The following CELF2 variants were observed in gnomAD, a reference collection of about 807,000 sequenced individuals.
The protein encoded by CELF2 is CUGBP Elav-like family member 2.
In CELF2, 8 loss-of-function variants were observed where a neutral mutation model predicts 62.6. The observed-to-expected ratio is 0.13, with a 90% CI of 0.07 to 0.23. The LOEUF is 0.23. CELF2 is among the 10% of genes least tolerant of loss of function. The probability of loss-of-function intolerance (pLI) is 1.00; values close to 1 mark genes in which losing one functional copy is unlikely to be tolerated. For missense variants in CELF2, 333 were observed against 671.0 expected (o/e 0.50, Z 5.56); for synonymous variants, 258 against 250.0 (o/e 1.03, Z -0.30).
At chr10:10,795,905 C>T (rs927921098), upstream of CELF2, among the ~76,000 whole-genome samples, 7 of 152,014 alleles carry the variant, frequency 4.6e-5, no homozygotes, top group African/African-American at 7.3e-5. Context: ...AGGAGTGAAT[C>T]GGTGAGACTC....
At position 11,206,652 on chromosome 10, in the gene CELF2, G is replaced by A. The variant is rs74733378; in HGVS notation, c.272-10773G>A. Among the ~76,000 whole-genome samples the A allele has an allele frequency of 7.8e-3, 1,182 of 152,316 alleles. 11 individuals carry two copies. The highest frequency in any genetic ancestry group is 0.026 in the African/African-American group (1,098 of 41,554). On this transcript the variant is annotated intron_variant, in intron 2 of 12. Coordinates refer to ENST00000633077, the MANE Select transcript of CELF2 (RefSeq NM_001326342.2). ...GTTGAGCCAATTAACGTCCACTTTA[G>A]GGAAGCCAGACCCTCTAGTTGGCTT...
the CELF2 span, among the ~76,000 whole-genome samples, chr10:10,506,242 C>T: frequency 6.0e-5 from 9 of 150,970 alleles, no homozygotes; most frequent in African/African-American, 2.2e-4. Flanking sequence ...TTTCCACCAG[C>T]TCTCATCAAA....
chr10:10,989,426 T>C (rs1483174302), intron 2 of CELF2, among the ~76,000 whole-genome samples: 4 of 152,082 alleles, frequency 2.6e-5, no homozygotes, highest in Non-Finnish European at 5.9e-5. Flanking sequence ...TATGTAAACA[T>C]ACACATCTTA....
chr10:10,507,864 T>C, the CELF2 span, among the ~76,000 whole-genome samples: 1 of 152,192 alleles, frequency 6.6e-6, no homozygotes. Context: ...ATCTTTAATA[T>C]TGAAAGCCCT....
rs2064678645 is a variant in CELF2 at position 11,220,943 on chromosome 10, TAA to T, written c.354+3437_354+3438del. On this transcript the variant is annotated intron_variant, in intron 3 of 12. Coordinates refer to ENST00000633077, the MANE Select transcript of CELF2 (RefSeq NM_001326342.2). This position sits in a 1 kb window ranked among gnomAD's most constrained non-coding sequence, Gnocchi z 4.4. The stretch of plus-strand genomic sequence containing the variant: ...GATCGAGCCCAAGGGGGCCTCTAGC[TAA>T]TCTAGCTGGAAGGGTGGACAGTAGA... Among the ~76,000 whole-genome samples the T allele has an allele frequency of 6.6e-6, 1 of 152,252 alleles. No homozygotes were observed. The highest frequency in any genetic ancestry group is 1.5e-5 in the Non-Finnish European group (1 of 68,048).
chr10:11,123,249 G>C (rs1308839976), intron 1 of CELF2, among the ~76,000 whole-genome samples: 2 of 151,792 alleles, frequency 1.3e-5, no homozygotes, highest in African/African-American at 4.8e-5. Flanking sequence ...TTTTTTGTTT[G>C]ATTTTTAAAT....
intron 1 of CELF2, among the ~76,000 whole-genome samples, chr10:10,885,190 C>T (rs1427696189): frequency 3.3e-5 from 5 of 151,760 alleles, no homozygotes; most frequent in Admixed American, 1.3e-4. Flanking sequence ...TTGCAGTGAG[C>T]CAAGATTGTG....
chr10:10,659,223 T>C, the CELF2 span, among the ~76,000 whole-genome samples: 2 of 152,226 alleles, frequency 1.3e-5, no homozygotes, highest in Non-Finnish European at 2.9e-5. Flanking sequence ...AACAGGAGCA[T>C]ATTAAAGAGA....
chr10:10,934,249 T>A lies in CELF2; in HGVS notation c.89+14250T>A, dbSNP rs1287521282. Among the ~76,000 whole-genome samples, 5 of 152,224 alleles carry A rather than the reference T, an allele frequency of 3.3e-5. No individual in the cohort carries two copies. Among genetic ancestry groups the A allele is most frequent in the Non-Finnish European group, 7.3e-5 (5 of 68,042 alleles). On this transcript the variant is annotated intron_variant, in intron 2 of 13. Transcript: ENST00000636488. This position sits in a 1 kb window ranked among gnomAD's most constrained non-coding sequence, Gnocchi z 4.4. ...TCAAAGAGCACGTTAGCAAGGTTAA[T>A]CTGATGGTAATCTGTAACATCTATC...
chr10:10,972,720 A>G lies in CELF2; in HGVS notation c.89+52721A>G, dbSNP rs957361284. On this transcript the variant is annotated intron_variant, in intron 2 of 13. Coordinates refer to the CELF2 transcript ENST00000636488. The surrounding 1 kb of genome is among the most constrained non-coding windows in gnomAD (Gnocchi z 4.4). ...GCTGCTCCTGGGGCACTTCAAACTC[A>G]ACGAGCCTCCAACTCACAAGGTCAC... Among the ~76,000 whole-genome samples, 2 of 152,014 alleles carry G rather than the reference A, an allele frequency of 1.3e-5. No homozygotes were observed. The highest frequency in any genetic ancestry group is 2.1e-4 in the South Asian group (1 of 4,810).
At chr10:11,303,316 G>A (rs553064763) in intron 9 of CELF2, among the ~76,000 whole-genome samples, 2 of 152,164 alleles carry the variant, frequency 1.3e-5, no homozygotes, top group South Asian at 4.2e-4. Flanking sequence ...TTCTCGGGAC[G>A]CTCTCAAAAC....
At chr10:11,160,173 G>A (rs117032015) in intron 1 of CELF2, among the ~76,000 whole-genome samples, 4,178 of 152,316 alleles carry the variant, frequency 0.027, 96 homozygotes, top group Non-Finnish European at 0.039. Context: ...CCAGACCATA[G>A]CCATAGGATT....
chr10:11,221,550 T>C (rs2399669), intron 3 of CELF2, among the ~76,000 whole-genome samples: 117,701 of 152,076 alleles, frequency 0.77, 46,818 homozygotes, highest in Non-Finnish European at 0.87. Flanking sequence ...TTAACACATA[T>C]TGTCTCTGGT....
In CELF2 at chr10:11,165,260, G is replaced by A; in HGVS notation, c.75-226G>A. 1.5e-6 allele frequency: 2 copies of A among 1,373,904 alleles called. No individual in the cohort carries two copies. Among genetic ancestry groups the A allele is most frequent in the East Asian group, 2.9e-5 (1 of 34,586 alleles). The allele number at this position is 1,373,904 out of a possible 1,614,324, so 85.1% of individuals were successfully genotyped here. ...CAGGGCGCTGCCCCGTGCTCCCCCG[G>A]CTCTGCTCGACAGCAGCACGCAGTG... is the stretch of plus-strand genomic sequence containing the variant. On this transcript the variant is annotated intron_variant, in intron 1 of 12. Transcript: ENST00000633077. The surrounding 1 kb of genome is among the most constrained non-coding windows in gnomAD (Gnocchi z 7.4).
chr10:10,556,383 T>C, the CELF2 span, among the ~76,000 whole-genome samples: 6 of 152,190 alleles, frequency 3.9e-5, no homozygotes, highest in African/African-American at 1.4e-4. Context: ...TATGGCTGCA[T>C]AGTATTCCAT....
In CELF2 at chr10:11,223,301, T is replaced by G. The variant is rs1398133183; in HGVS notation, c.354+5794T>G. Among the ~76,000 whole-genome samples the G allele has an allele frequency of 6.6e-6, 1 of 152,242 alleles. No individual in the cohort carries two copies. Among genetic ancestry groups the G allele is most frequent in the Non-Finnish European group, 1.5e-5 (1 of 68,028 alleles). Reference sequence around the variant, plus strand: ...TGCCTCAAAAGGCACTGTGTCTGCCTCCTCATTTGTGTAGGTGTGAACTCT... The same window carrying G: ...TGCCTCAAAAGGCACTGTGTCTGCCGCCTCATTTGTGTAGGTGTGAACTCT... On this transcript the variant is annotated intron_variant, in intron 3 of 12. Transcript: ENST00000633077. The surrounding 1 kb of genome is among the most constrained non-coding windows in gnomAD (Gnocchi z 5.1).
At chr10:11,286,965 T>G (rs141089604) in intron 8 of CELF2, among the ~76,000 whole-genome samples, 3 of 152,288 alleles carry the variant, frequency 2.0e-5, no homozygotes, top group African/African-American at 7.2e-5. Flanking sequence ...AACTTTTTTC[T>G]AAGTGGAAAT....
At chr10:11,119,607 T>A (rs2057300978) in intron 1 of CELF2, among the ~76,000 whole-genome samples, 1 of 152,204 alleles carries the variant, frequency 6.6e-6, no homozygotes, top group Non-Finnish European at 1.5e-5. Flanking sequence ...AAATTAACTA[T>A]TTTTAATATT....
At chr10:10,463,669 GCAGGAAGA>G in the CELF2 span, among the ~76,000 whole-genome samples, 1 of 152,096 alleles carries the variant, frequency 6.6e-6, no homozygotes, top group South Asian at 2.1e-4. Context: ...AGCCTCAGAA[GCAGGAAGA>G]CACACGGAGA....
Sources: gnomAD v4.1 joint callset for allele counts (sites outside exome capture counted in the v4.1 genomes callset) on GRCh38, gnomAD v4.1.1 for gene constraint, Gnocchi (gnomAD v3.1) non-coding constraint, MANE v1.5 for transcripts, NCBI Gene and HGNC (gene_info 2026-07-23, HGNC 2026-07-21) for gene names.